TIAM2: variants seen among roughly 807,000 people sequenced by gnomAD.
TIAM2 encodes the protein rho guanine nucleotide exchange factor TIAM2.
In TIAM2, 80 loss-of-function variants were observed where a neutral mutation model predicts 152.9. The ratio of observed to expected loss-of-function variants is 0.52; its 90% CI spans 0.44 to 0.63. The LOEUF is 0.63. Among genes scored for constraint, TIAM2 ranks in the 30% least tolerant of loss-of-function variants. The pLI is 0.00. For synonymous variants in TIAM2, 804 were observed against 838.0 expected (o/e 0.96, Z 0.70); for missense variants, 1,965 against 2,120.1 (o/e 0.93, Z 1.44).
chr6:155,050,738 C>T (rs1259323644), intron 1 of TIAM2, among the ~76,000 whole-genome samples: 3 of 152,122 alleles, frequency 2.0e-5, no homozygotes, highest in African/African-American at 4.8e-5. Context: ...AGTGAGTGTC[C>T]GTGGGTAAGC....
chr6:155,204,949 T>G (rs984066475), intron 14 of TIAM2, among the ~76,000 whole-genome samples: 1 of 152,078 alleles, frequency 6.6e-6, no homozygotes, highest in South Asian at 2.1e-4. Context: ...CCTTGAACGC[T>G]GCGTCCTCAT....
intron 1 of TIAM2, among the ~76,000 whole-genome samples, chr6:155,040,230 G>A (rs1176744798): frequency 6.6e-6 from 1 of 152,084 alleles, no homozygotes. Flanking sequence ...CTTCATAGCT[G>A]TTTCCCTATT....
chr6:155,046,759 C>T (rs1327767586), intron 1 of TIAM2, among the ~76,000 whole-genome samples: 1 of 152,162 alleles, frequency 6.6e-6, no homozygotes, highest in African/African-American at 2.4e-5. Flanking sequence ...CCCTCTGTGC[C>T]TCTCTCGGGG....
intron 17 of TIAM2, 96 bp from the exon 18 acceptor site, chr6:155,244,562 G>C: frequency 1.4e-6 from 2 of 1,430,402 alleles, no homozygotes; most frequent in South Asian, 1.4e-5. Flanking sequence ...TTTCCGTGAA[G>C]AATTTCCTTG....
In TIAM2 at chr6:155,256,779, C is replaced by T. The variant is rs41284228; in HGVS notation, c.4764C>T (p.Ile1588=). Residue 1588 remains isoleucine (I), a synonymous_variant, in exon 27 of 27, where the codon ATC becomes ATT. Transcript: ENST00000682666. ...TVKQGSPTKD[I]EIQFQRLRIS... ...AGCAGGGCAGCCCTACTAAAGACAT[C>T]GAAATTCAGTTCCAGAGACTGAGGA... 0.014 allele frequency: 22,530 copies of T among 1,614,176 alleles called. 276 individuals are homozygous for T. Among genetic ancestry groups the T allele is most frequent in the Non-Finnish European group, 0.015 (17,305 of 1,180,034 alleles).
intron 15 of TIAM2, among the ~76,000 whole-genome samples, chr6:155,220,077 A>C (rs1038546685): frequency 2.0e-5 from 3 of 152,200 alleles, no homozygotes; most frequent in Admixed American, 6.5e-5. Flanking sequence ...AGCTGGGCTG[A>C]TTCCTCCTGC....
Position 155,257,307 on chromosome 6 carries a change from T to A in TIAM2, c.*186T>A, listed in dbSNP as rs1784123655. The A allele has an allele frequency of 1.5e-6, 1 of 665,912 alleles. No individual in the cohort carries two copies. The highest frequency in any genetic ancestry group is 2.0e-5 in the South Asian group (1 of 49,710). The allele number at this position is 665,912 out of a possible 1,614,324, so 41.3% of individuals were successfully genotyped here. ...ATTTATTGTGGATCAGAAACCTAGA[T>A]GAAACTGGTCAGAATCTGTAAATTA... On this transcript the variant is annotated 3_prime_UTR_variant, in exon 27 of 27. Coordinates refer to ENST00000682666, the MANE Select transcript of TIAM2 (RefSeq NM_012454.4).
chr6:155,000,131 C>T (rs1452301154), intron 1 of TIAM2, among the ~76,000 whole-genome samples: 1 of 152,164 alleles, frequency 6.6e-6, no homozygotes, highest in African/African-American at 2.4e-5. Context: ...TCATTTATTC[C>T]TCTGAATTTA....
At chr6:155,170,751 T>C (rs963215907) in intron 9 of TIAM2, among the ~76,000 whole-genome samples, 1 of 152,250 alleles carries the variant, frequency 6.6e-6, no homozygotes, top group African/African-American at 2.4e-5. Context: ...ACAGGTCCCA[T>C]CGATGCTCTA....
chr6:155,207,884 A>G (rs1365595973), intron 14 of TIAM2, among the ~76,000 whole-genome samples: 1 of 152,172 alleles, frequency 6.6e-6, no homozygotes, highest in Admixed American at 6.5e-5. Context: ...GGGAGTTTTC[A>G]GTGTTTAAGT....
At chr6:155,240,470 G>A in intron 15 of TIAM2, 60 bp from the exon 16 acceptor site, 3 of 1,520,590 alleles carry the variant, frequency 2.0e-6, no homozygotes, top group Non-Finnish European at 2.7e-6. Flanking sequence ...GCCCTTGGGG[G>A]CAGCGGATAC....
intron 6 of TIAM2, among the ~76,000 whole-genome samples, chr6:155,146,928 A>T (rs1000333103): frequency 2.0e-5 from 3 of 151,562 alleles, no homozygotes; most frequent in Admixed American, 6.6e-5. Context: ...TCCTATTATT[A>T]TTTTTTAATT....
At chr6:155,057,530 T>C (rs1439722163) in intron 1 of TIAM2, among the ~76,000 whole-genome samples, 1 of 147,004 alleles carries the variant, frequency 6.8e-6, no homozygotes, top group Non-Finnish European at 1.5e-5. Flanking sequence ...TCTTTTTCTT[T>C]CCATAATGTA....
At chr6:155,162,804 G>A (rs1351338449) in intron 7 of TIAM2, among the ~76,000 whole-genome samples, 1 of 152,218 alleles carries the variant, frequency 6.6e-6, no homozygotes, top group East Asian at 1.9e-4. Context: ...GTTGCTAATA[G>A]GGGTATACAG....
At chr6:155,103,714 ACTCTGTCTC>A in intron 2 of TIAM2, among the ~76,000 whole-genome samples, 1 of 104,622 alleles carries the variant, frequency 9.6e-6, no homozygotes. Flanking sequence ...ACAGAGTGAG[ACTCTGTCTC>A]AAAAAAAAAA....
intron 1 of TIAM2, among the ~76,000 whole-genome samples, chr6:155,039,198 C>T (rs575167713): frequency 2.8e-4 from 43 of 151,524 alleles, no homozygotes; most frequent in Non-Finnish European, 3.5e-4. Flanking sequence ...TGGGTTCAAG[C>T]GATCCTCCTA....
chr6:155,082,821 C>G lies in TIAM2; in HGVS notation c.-208-7468C>G, dbSNP rs568473741. On this transcript the variant is annotated intron_variant, in intron 1 of 26. Coordinates refer to ENST00000682666, the MANE Select transcript of TIAM2 (RefSeq NM_012454.4). ...TGCCTATTGTAGAGAGAGAGCCTTA[C>G]TATACTTGGAGCTTTTATTGGTGAA... Among the ~76,000 whole-genome samples the G allele has an allele frequency of 1.8e-4, 27 of 152,150 alleles. No individual in the cohort carries two copies. In the South Asian group the frequency reaches 4.4e-3, roughly 25 times the overall value.
intron 1 of TIAM2, among the ~76,000 whole-genome samples, chr6:155,024,651 T>TA (rs1776562371): frequency 1.9e-4 from 3 of 15,518 alleles, no homozygotes; most frequent in African/African-American, 2.3e-4. Context: ...ATCCATGTCT[T>TA]TAAAAAAAAA....
chr6:155,033,797 A>G (rs1319618857), intron 1 of TIAM2, among the ~76,000 whole-genome samples: 1 of 149,470 alleles, frequency 6.7e-6, no homozygotes, highest in Admixed American at 6.7e-5. Flanking sequence ...GCTCACTGCA[A>G]CCTCCCCCTC....
Sources: allele counts gnomAD v4.1 joint callset (sites outside exome capture counted in the v4.1 genomes callset), GRCh38; gene constraint gnomAD v4.1.1; transcripts MANE v1.5; gene names NCBI Gene and HGNC (gene_info 2026-07-23, HGNC 2026-07-21).